The following ZMAT4 variants were observed in gnomAD, a reference collection of about 807,000 sequenced individuals.
The protein encoded by ZMAT4 is zinc finger matrin-type 4, also known as zinc finger matrin-type protein 4.
A neutral mutation model predicts 28.7 loss-of-function variants in ZMAT4; 17 were observed. The observed-to-expected ratio is 0.59, with a 90% CI of 0.41 to 0.89. ZMAT4 has a LOEUF of 0.89. Ranked by LOEUF, ZMAT4 falls within the 40% of genes least tolerant of loss-of-function variation. The pLI, the probability that ZMAT4 is intolerant of heterozygous loss-of-function variation, is 0.00. For missense variants in ZMAT4, 240 were observed against 283.8 expected (o/e 0.85, Z 1.11); for synonymous variants, 117 against 109.2 (o/e 1.07, Z -0.44).
chr8:40,641,627 C>T (rs919097191), intron 5 of ZMAT4, among the ~76,000 whole-genome samples: 1 of 152,226 alleles, frequency 6.6e-6, no homozygotes, highest in Admixed American at 6.5e-5. Context: ...TCATCACAAT[C>T]TGTGCTCTTA....
At chr8:40,889,805 G>A (rs1250307788) in intron 1 of ZMAT4, among the ~76,000 whole-genome samples, 1 of 152,126 alleles carries the variant, frequency 6.6e-6, no homozygotes, top group Non-Finnish European at 1.5e-5. Flanking sequence ...AATGCTGAAA[G>A]GAATATTCTT....
chr8:40,666,740 A>C (rs1808430886), intron 5 of ZMAT4, among the ~76,000 whole-genome samples: 1 of 152,154 alleles, frequency 6.6e-6, no homozygotes, highest in Non-Finnish European at 1.5e-5. Flanking sequence ...ACAACACAAA[A>C]TTTAGTTGAC....
intron 2 of ZMAT4, among the ~76,000 whole-genome samples, chr8:40,798,388 G>A (rs1412601381): frequency 1.3e-5 from 2 of 152,172 alleles, no homozygotes; most frequent in African/African-American, 4.8e-5. Context: ...GCTCTTTAAT[G>A]TATGACAACC....
rs1817432227 is a variant in ZMAT4, at chr8:40,859,968, A to G, written c.-4-34288T>C. Among the ~76,000 whole-genome samples, 2 of 152,178 alleles carry G rather than the reference A, an allele frequency of 1.3e-5. 1 individual carries two copies. The highest frequency in any genetic ancestry group is 1.3e-4 in the Admixed American group (2 of 15,278). On this transcript the variant is annotated intron_variant, in intron 1 of 6. Transcript: ENST00000297737. ...GCTGAAGGAAGAGATTGTTAACTCT[A>G]TTGAATGAAAAGTAACAAATTTGTA...
At chr8:40,779,656 T>C (rs1401982083) in intron 2 of ZMAT4, among the ~76,000 whole-genome samples, 1 of 152,126 alleles carries the variant, frequency 6.6e-6, no homozygotes, top group East Asian at 1.9e-4. Flanking sequence ...GGGATAGAGT[T>C]TGGGGCATTA....
chr8:40,858,931 T>C (rs1817394637), intron 1 of ZMAT4, among the ~76,000 whole-genome samples: 2 of 152,170 alleles, frequency 1.3e-5, no homozygotes, highest in Admixed American at 1.3e-4. Flanking sequence ...CGATCCATGG[T>C]GAAGCATGTC....
At chr8:40,887,678 C>T (rs913697405) in intron 1 of ZMAT4, among the ~76,000 whole-genome samples, 1 of 152,140 alleles carries the variant, frequency 6.6e-6, no homozygotes, top group Non-Finnish European at 1.5e-5. Flanking sequence ...AGAGCAATTG[C>T]ATTCTCAACA....
chr8:40,674,605 A>G, intron 5 of ZMAT4, 99 bp downstream of exon 5: 1 of 984,078 alleles, frequency 1.0e-6, no homozygotes, highest in Non-Finnish European at 1.5e-6. Context: ...TTTTTCCTTA[A>G]TAATTAAAGC....
intron 5 of ZMAT4, among the ~76,000 whole-genome samples, chr8:40,587,189 A>T (rs536641350): frequency 6.6e-6 from 1 of 152,278 alleles, no homozygotes; most frequent in African/African-American, 2.4e-5. Flanking sequence ...ATTTCTGTCA[A>T]AATTGAAGGT....
chr8:40,564,599 C>G (rs1307077399), intron 6 of ZMAT4, among the ~76,000 whole-genome samples: 1 of 152,166 alleles, frequency 6.6e-6, no homozygotes, highest in Non-Finnish European at 1.5e-5. Flanking sequence ...GAACATATCA[C>G]TTTGAGAAAA....
At chr8:40,817,462 G>A (rs1476526803) in intron 2 of ZMAT4, among the ~76,000 whole-genome samples, 1 of 152,156 alleles carries the variant, frequency 6.6e-6, no homozygotes, top group Non-Finnish European at 1.5e-5. Flanking sequence ...CTCCTGCAGA[G>A]GAAGATCAGA....
chr8:40,868,120 ATATAT>A (rs1157829396), intron 1 of ZMAT4, among the ~76,000 whole-genome samples: 10 of 152,202 alleles, frequency 6.6e-5, no homozygotes, highest in Admixed American at 5.9e-4. Flanking sequence ...CATATCCATA[ATATAT>A]TTGTTGAGTG....
intron 1 of ZMAT4, among the ~76,000 whole-genome samples, chr8:40,830,797 A>G (rs1342179583): frequency 1.3e-5 from 2 of 152,194 alleles, no homozygotes; most frequent in African/African-American, 2.4e-5. Context: ...AGAGGGAAAG[A>G]CATTGGTTCA....
At chr8:40,708,385 T>C (rs1421749990) in intron 3 of ZMAT4, among the ~76,000 whole-genome samples, 21 of 152,142 alleles carry the variant, frequency 1.4e-4, no homozygotes, top group Admixed American at 1.4e-3. Flanking sequence ...CAGAACTTTT[T>C]TCAGACCACA....
intron 2 of ZMAT4, among the ~76,000 whole-genome samples, chr8:40,771,007 A>G (rs1156307071): frequency 6.6e-6 from 1 of 152,202 alleles, no homozygotes; most frequent in Non-Finnish European, 1.5e-5. Context: ...GAAAGTTAAA[A>G]TTAATTGAAA....
intron 4 of ZMAT4, among the ~76,000 whole-genome samples, chr8:40,694,505 G>C (rs1450646105): frequency 6.6e-6 from 1 of 152,070 alleles, no homozygotes; most frequent in African/African-American, 2.4e-5. Context: ...CATCTGCCAG[G>C]CTTTCCCAAC....
chr8:40,642,388 T>C (rs1807074230), intron 5 of ZMAT4, among the ~76,000 whole-genome samples: 1 of 152,196 alleles, frequency 6.6e-6, no homozygotes, highest in Non-Finnish European at 1.5e-5. Flanking sequence ...ACATTTAGTC[T>C]TCCTAATCAT....
At chr8:40,645,849 A>G (rs1807281025) in intron 5 of ZMAT4, among the ~76,000 whole-genome samples, 1 of 152,178 alleles carries the variant, frequency 6.6e-6, no homozygotes, top group Non-Finnish European at 1.5e-5. Flanking sequence ...TTGTATGTAT[A>G]TAACCATATA....
intron 6 of ZMAT4, among the ~76,000 whole-genome samples, chr8:40,577,647 T>C (rs983750566): frequency 1.3e-5 from 2 of 152,170 alleles, no homozygotes; most frequent in Admixed American, 6.5e-5. Flanking sequence ...GAGAGGATTG[T>C]AAATGTTCTC....
Sources: allele counts gnomAD v4.1 joint callset (sites outside exome capture counted in the v4.1 genomes callset), GRCh38; gene constraint gnomAD v4.1.1; transcripts MANE v1.5; gene names NCBI Gene and HGNC (gene_info 2026-07-23, HGNC 2026-07-21).